RANBP2: variants seen among roughly 807,000 people sequenced by gnomAD.
RANBP2 encodes the protein E3 SUMO-protein ligase RanBP2.
RANBP2 carries 57 observed loss-of-function variants against 303.6 expected under a neutral mutation model. The observed-to-expected ratio is 0.19, with a 90% CI of 0.15 to 0.23. The LOEUF (loss-of-function observed/expected upper bound fraction) is 0.23, where lower values mean the gene tolerates loss of function less well. Ranked by LOEUF, RANBP2 falls within the 10% of genes least tolerant of loss-of-function variation. RANBP2 has a pLI of 1.00. For synonymous variants in RANBP2, 1,167 were observed against 1,301.5 expected, an observed-to-expected ratio of 0.90 and a Z score of 2.23; for missense variants, 3,138 against 3,780.8, an observed-to-expected ratio of 0.83 and a Z score of 4.46.
At chr2:109,447,166 A>G in the RANBP2 span, among the ~76,000 whole-genome samples, 1 of 149,988 alleles carries the variant, frequency 6.7e-6, no homozygotes, top group Middle Eastern at 3.4e-3. Flanking sequence ...AAAAAAAAAA[A>G]AAGAAAAGAA....
At chr2:108,795,455 C>T in the RANBP2 span, among the ~76,000 whole-genome samples, 4 of 151,890 alleles carry the variant, frequency 2.6e-5, no homozygotes, top group East Asian at 1.9e-4. Flanking sequence ...CAGTGCCCAG[C>T]CTAAAGAGTA....
the RANBP2 span, among the ~76,000 whole-genome samples, chr2:108,819,119 C>T: frequency 1.3e-5 from 2 of 152,166 alleles, no homozygotes; most frequent in African/African-American, 4.8e-5. Flanking sequence ...CCTTATTCCT[C>T]CATGGAAACA....
At chr2:109,233,460 A>G in the RANBP2 span, among the ~76,000 whole-genome samples, 4 of 152,074 alleles carry the variant, frequency 2.6e-5, no homozygotes, top group Non-Finnish European at 5.9e-5. Context: ...GCACTGCTCT[A>G]CTTCTCTGCC....
intron 1 of RANBP2, among the ~76,000 whole-genome samples, chr2:108,726,177 C>T (rs1694689018): frequency 6.6e-6 from 1 of 152,164 alleles, no homozygotes; most frequent in Admixed American, 6.5e-5. Flanking sequence ...AAAAATCTCA[C>T]GGCCTCCTGC....
At chr2:109,695,443 C>A in the RANBP2 span, among the ~76,000 whole-genome samples, 21 of 152,332 alleles carry the variant, frequency 1.4e-4, no homozygotes, top group Non-Finnish European at 2.9e-4. Flanking sequence ...TGAGATGCAG[C>A]ATGAAAGCTT....
At chr2:108,898,249 G>T in the RANBP2 span, among the ~76,000 whole-genome samples, 3 of 152,148 alleles carry the variant, frequency 2.0e-5, no homozygotes, top group African/African-American at 7.2e-5. Context: ...GTCAGGAAAG[G>T]CCATGTAGGG....
At chr2:108,829,175 C>T in the RANBP2 span, among the ~76,000 whole-genome samples, 1 of 152,030 alleles carries the variant, frequency 6.6e-6, no homozygotes, top group African/African-American at 2.4e-5. Flanking sequence ...GTTTGTGCAT[C>T]AACAGATTGA....
chr2:109,607,208 A>G, the RANBP2 span, among the ~76,000 whole-genome samples: 5 of 152,360 alleles, frequency 3.3e-5, no homozygotes, highest in East Asian at 3.9e-4. Flanking sequence ...CCAAAAATTC[A>G]TATTAGTAAG....
chr2:108,954,317 G>T, the RANBP2 span, among the ~76,000 whole-genome samples: 3 of 152,282 alleles, frequency 2.0e-5, no homozygotes, highest in Admixed American at 1.3e-4. Context: ...TATATGGGCT[G>T]CCATTTTCCC....
the RANBP2 span, among the ~76,000 whole-genome samples, chr2:109,421,666 G>A: frequency 6.6e-6 from 1 of 152,196 alleles, no homozygotes; most frequent in Non-Finnish European, 1.5e-5. Flanking sequence ...CTCCCCCAGG[G>A]GAGGGCACTT....
At chr2:109,492,729 C>A in the RANBP2 span, among the ~76,000 whole-genome samples, 9 of 152,154 alleles carry the variant, frequency 5.9e-5, no homozygotes. Flanking sequence ...TTTCTGACCT[C>A]ATGGCCCACG....
chr2:109,500,215 C>G, the RANBP2 span, among the ~76,000 whole-genome samples: 1 of 152,072 alleles, frequency 6.6e-6, no homozygotes, highest in Non-Finnish European at 1.5e-5. Flanking sequence ...AGTGGTTGTT[C>G]AAGTTGTTAT....
the RANBP2 span, among the ~76,000 whole-genome samples, chr2:108,853,228 T>C: frequency 3.3e-5 from 5 of 152,226 alleles, no homozygotes; most frequent in East Asian, 1.9e-4. Flanking sequence ...CTTGATTGTT[T>C]CAGATTTATT....
At chr2:109,194,183 C>A in the RANBP2 span, among the ~76,000 whole-genome samples, 1 of 152,232 alleles carries the variant, frequency 6.6e-6, no homozygotes, top group Non-Finnish European at 1.5e-5. Context: ...GGTTGGAATC[C>A]CTGAAACAGG....
At chr2:108,899,697 C>G in the RANBP2 span, among the ~76,000 whole-genome samples, 1 of 152,116 alleles carries the variant, frequency 6.6e-6, no homozygotes, top group Non-Finnish European at 1.5e-5. Flanking sequence ...AATAATAACA[C>G]CAGTAAGGCT....
chr2:109,750,729 A>AT, the RANBP2 span, among the ~76,000 whole-genome samples: 31 of 105,168 alleles, frequency 2.9e-4, 5 homozygotes, highest in African/African-American at 9.3e-4. Context: ...AATAATAATA[A>AT]TTTTTTTTTT....
At chr2:109,496,758 A>G in the RANBP2 span, among the ~76,000 whole-genome samples, 3 of 147,818 alleles carry the variant, frequency 2.0e-5, no homozygotes, top group Admixed American at 7.0e-5. Flanking sequence ...AAAACTCATG[A>G]CTATGTTACC....
At chr2:109,628,869 G>C in the RANBP2 span, among the ~76,000 whole-genome samples, 1 of 151,988 alleles carries the variant, frequency 6.6e-6, no homozygotes, top group African/African-American at 2.4e-5. Context: ...TTCCTTTTGA[G>C]GGAGTTCGTG....
the RANBP2 span, among the ~76,000 whole-genome samples, chr2:109,495,608 T>C: frequency 2.2e-5 from 3 of 138,538 alleles, no homozygotes; most frequent in African/African-American, 5.3e-5. Flanking sequence ...TGTGCCCAGC[T>C]TCCCAAGTAG....
Sources: allele counts gnomAD v4.1 joint callset (sites outside exome capture counted in the v4.1 genomes callset), GRCh38; gene constraint gnomAD v4.1.1; transcripts MANE v1.5; gene names NCBI Gene and HGNC (gene_info 2026-07-23, HGNC 2026-07-21).